NBEA: variants seen among roughly 807,000 people sequenced by gnomAD.
NBEA encodes the protein neurobeachin, also known as lysosomal-trafficking regulator 2.
Under a neutral mutation model 343.4 loss-of-function variants are expected in NBEA, and 44 were observed. The ratio of observed to expected loss-of-function variants is 0.13; its 90% confidence interval spans 0.10 to 0.16. NBEA has a LOEUF of 0.16. Ranked by LOEUF, NBEA falls within the 10% of genes least tolerant of loss-of-function variation. The pLI, the probability that NBEA is intolerant of heterozygous loss-of-function variation, is 1.00. For synonymous variants in NBEA, 1,175 were observed against 1,238.7 expected (o/e 0.95, Z 1.08); for missense variants, 2,555 against 3,631.3 (o/e 0.70, Z 7.62).
chr13:35,413,691 A>G (rs1477896428), intron 38 of NBEA, among the ~76,000 whole-genome samples: 1 of 152,180 alleles, frequency 6.6e-6, no homozygotes, highest in African/African-American at 2.4e-5. Context: ...TTATCATAAT[A>G]CAACCTAACT....
At chr13:35,262,009 T>A in intron 34 of NBEA, among the ~76,000 whole-genome samples, 1 of 152,160 alleles carries the variant, frequency 6.6e-6, no homozygotes, top group East Asian at 1.9e-4. Context: ...CACTTAACAG[T>A]GACTTGAAAA....
intron 18 of NBEA, among the ~76,000 whole-genome samples, chr13:35,154,322 C>T (rs2069003070): frequency 6.6e-6 from 1 of 152,170 alleles, no homozygotes; most frequent in Non-Finnish European, 1.5e-5. Context: ...TCAGCTTCTA[C>T]AATATAGCTA....
rs775753543 is a variant in NBEA, at chr13:35,196,311, T to C, written c.5366+9T>C. 4.4e-6 allele frequency: 7 copies of C among 1,595,246 alleles called. No homozygotes were observed. Among genetic ancestry groups the C allele is most frequent in the Non-Finnish European group, 6.0e-6 (7 of 1,170,816 alleles). On this transcript the variant is annotated intron_variant, in intron 31 of 58. Transcript: ENST00000379939. ...TTTCATTCCTTTGACAGGTAGGTAC[T>C]GAACTTATTATTCACAGGGCTTTAT...
chr13:35,435,407 G>T (rs908022180), intron 39 of NBEA, among the ~76,000 whole-genome samples: 7 of 152,138 alleles, frequency 4.6e-5, no homozygotes, highest in Non-Finnish European at 7.3e-5. Context: ...AACTTCCAGA[G>T]TTGGAGGGTT....
At chr13:35,634,385 A>T (rs1488279555) in intron 49 of NBEA, among the ~76,000 whole-genome samples, 1 of 152,210 alleles carries the variant, frequency 6.6e-6, no homozygotes, top group Non-Finnish European at 1.5e-5. Context: ...TATTCATATT[A>T]TCAAATGAAT....
chr13:35,361,529 A>G (rs1180454992), intron 38 of NBEA, among the ~76,000 whole-genome samples: 1 of 152,080 alleles, frequency 6.6e-6, no homozygotes, highest in African/African-American at 2.4e-5. Context: ...GACCATATAC[A>G]AAACTTAACT....
chr13:35,602,690 G>A (rs950465807), intron 47 of NBEA, among the ~76,000 whole-genome samples: 1 of 152,160 alleles, frequency 6.6e-6, no homozygotes, highest in African/African-American at 2.4e-5. Flanking sequence ...CATTTGGGTG[G>A]CCTGATAAGA....
intron 36 of NBEA, among the ~76,000 whole-genome samples, chr13:35,338,767 G>T (rs1404485532): frequency 6.6e-6 from 1 of 151,944 alleles, no homozygotes; most frequent in Non-Finnish European, 1.5e-5. Context: ...GCAGATCTAC[G>T]TCAGCAATAT....
intron 36 of NBEA, among the ~76,000 whole-genome samples, chr13:35,313,695 G>T (rs2037522117): frequency 6.6e-6 from 1 of 152,092 alleles, no homozygotes; most frequent in Non-Finnish European, 1.5e-5. Context: ...TTAAGTAATT[G>T]CAAGTTTAAT....
chr13:35,074,472 T>C (rs1313242748), intron 10 of NBEA, among the ~76,000 whole-genome samples: 1 of 152,178 alleles, frequency 6.6e-6, no homozygotes, highest in Non-Finnish European at 1.5e-5. Flanking sequence ...GAGTTTTGTA[T>C]ATCAAACAAT....
chr13:35,536,334 A>G (rs900258068), intron 41 of NBEA, among the ~76,000 whole-genome samples: 2 of 152,198 alleles, frequency 1.3e-5, no homozygotes, highest in African/African-American at 4.8e-5. Flanking sequence ...AGTTTTTAAT[A>G]TATCATAGAA....
At chr13:35,559,767 T>A (rs1445662677) in intron 44 of NBEA, among the ~76,000 whole-genome samples, 1 of 151,606 alleles carries the variant, frequency 6.6e-6, no homozygotes, top group African/African-American at 2.4e-5. Context: ...TACAAAAAAA[T>A]TAGCTGGGCG....
At chr13:35,070,932 A>C (rs2063841852) in intron 10 of NBEA, 80 bp downstream of exon 10, 2 of 1,436,820 alleles carry the variant, frequency 1.4e-6, no homozygotes, top group Admixed American at 2.0e-5. Context: ...TGCTGTGTAA[A>C]TGTATTACAG....
At chr13:35,451,313 CG>C (rs1390283229) in intron 39 of NBEA, among the ~76,000 whole-genome samples, 4 of 152,022 alleles carry the variant, frequency 2.6e-5, no homozygotes, top group Non-Finnish European at 4.4e-5. Flanking sequence ...TTAGTAGAGA[CG>C]GGGTTTCACC....
Position 34,969,869 on chromosome 13 carries a change from G to GC in NBEA, c.294+26757dup, listed in dbSNP as rs1254609669. 2.0e-5 allele frequency among the ~76,000 whole-genome samples: 3 copies of GC among 151,870 alleles called. No individual in the cohort carries two copies. In the East Asian group the frequency reaches 5.8e-4, roughly 29 times the overall value. On this transcript the variant is annotated intron_variant, in intron 1 of 58. Coordinates refer to ENST00000379939, the MANE Select transcript of NBEA (RefSeq NM_001385012.1). Reference sequence around the variant, plus strand: ...CTGCAGTGAACATATGCATGCATGTGCCTCTGTAATGGAATGATGTATATT... The same window carrying GC: ...CTGCAGTGAACATATGCATGCATGTGCCCTCTGTAATGGAATGATGTATATT...
At chr13:35,137,445 G>A (rs1320338756) in intron 17 of NBEA, among the ~76,000 whole-genome samples, 9 of 148,512 alleles carry the variant, frequency 6.1e-5, no homozygotes, top group Non-Finnish European at 1.2e-4. Context: ...GCAACACACA[G>A]TCTCCAAAAA....
chr13:35,109,933 T>C (rs1174192254), intron 12 of NBEA, among the ~76,000 whole-genome samples: 1 of 151,528 alleles, frequency 6.6e-6, no homozygotes, highest in Non-Finnish European at 1.5e-5. Context: ...TTGAAATCAA[T>C]AATGAGGGAT....
At chr13:35,013,474 CTTT>C (rs200665719) in intron 1 of NBEA, among the ~76,000 whole-genome samples, 1 of 144,492 alleles carries the variant, frequency 6.9e-6, no homozygotes, top group Admixed American at 7.0e-5. Flanking sequence ...AAACATGTAT[CTTT>C]TTTTTTTTTT....
intron 30 of NBEA, chr13:35,186,533 A>G (rs928504811): frequency 6.6e-6 from 1 of 152,186 alleles, no homozygotes; most frequent in African/African-American, 2.4e-5. Flanking sequence ...TTTTCATTCC[A>G]TCAACATACC....
Sources: allele counts gnomAD v4.1 joint callset (sites outside exome capture counted in the v4.1 genomes callset), GRCh38; gene constraint gnomAD v4.1.1; transcripts MANE v1.5; gene names NCBI Gene and HGNC (gene_info 2026-07-23, HGNC 2026-07-21).